The following REDIC1 variants were observed in gnomAD, a reference collection of about 807,000 sequenced individuals.
The protein encoded by REDIC1 is HEI10 Interacting Protein 1.
At chr12:39,703,717 G>T in the REDIC1 span, among the ~76,000 whole-genome samples, 24 of 152,130 alleles carry the variant, frequency 1.6e-4, no homozygotes, top group Non-Finnish European at 3.2e-4. Context: ...GCATGGTACT[G>T]GTACCAAAAG....
At chr12:39,790,354 A>G in the REDIC1 span, among the ~76,000 whole-genome samples, 10 of 142,696 alleles carry the variant, frequency 7.0e-5, no homozygotes, top group African/African-American at 2.1e-4. Flanking sequence ...ATATCTCCCA[A>G]TGCTATCCCT....
chr12:39,656,547 G>A, the REDIC1 span, among the ~76,000 whole-genome samples: 5 of 152,064 alleles, frequency 3.3e-5, no homozygotes, highest in African/African-American at 1.2e-4. Flanking sequence ...ACTATTTATT[G>A]TTATTTTAGA....
the REDIC1 span, chr12:39,871,859 A>G: frequency 4.3e-6 from 7 of 1,612,734 alleles, no homozygotes; most frequent in East Asian, 2.2e-5. Flanking sequence ...AGACTCCCAC[A>G]AGTGTGAAAA....
At chr12:39,901,250 C>T in the REDIC1 span, among the ~76,000 whole-genome samples, 1 of 152,140 alleles carries the variant, frequency 6.6e-6, no homozygotes, top group African/African-American at 2.4e-5. Context: ...AGAAGAAAAC[C>T]TAGGCAATAC....
the REDIC1 span, among the ~76,000 whole-genome samples, chr12:39,767,963 T>A: frequency 6.6e-6 from 1 of 152,124 alleles, no homozygotes; most frequent in Non-Finnish European, 1.5e-5. Flanking sequence ...ATCTCTTTCC[T>A]TTATAAACTA....
chr12:39,815,069 A>G, the REDIC1 span, among the ~76,000 whole-genome samples: 1 of 151,736 alleles, frequency 6.6e-6, no homozygotes, highest in Non-Finnish European at 1.5e-5. Flanking sequence ...TCAGCAAACT[A>G]AGGATTAGAG....
At chr12:39,705,630 A>T in the REDIC1 span, among the ~76,000 whole-genome samples, 1 of 152,132 alleles carries the variant, frequency 6.6e-6, no homozygotes, top group African/African-American at 2.4e-5. Context: ...AGTGGGATTT[A>T]TCCCTGGGAT....
At chr12:39,841,742 A>AAAAC in the REDIC1 span, among the ~76,000 whole-genome samples, 4 of 152,092 alleles carry the variant, frequency 2.6e-5, no homozygotes, top group Admixed American at 6.6e-5. Flanking sequence ...TTCAGAGAAA[A>AAAAC]AAACAGTAAC....
At chr12:39,662,527 T>C in the REDIC1 span, among the ~76,000 whole-genome samples, 1 of 152,070 alleles carries the variant, frequency 6.6e-6, no homozygotes, top group African/African-American at 2.4e-5. Flanking sequence ...GAGCTTTTTT[T>C]TTTGGTGGAG....
the REDIC1 span, among the ~76,000 whole-genome samples, chr12:39,667,432 C>T: frequency 6.6e-6 from 1 of 152,100 alleles, no homozygotes. Flanking sequence ...GTCTGAGAGA[C>T]AGTTTGTTAT....
chr12:39,715,558 C>A, the REDIC1 span, among the ~76,000 whole-genome samples: 2 of 151,848 alleles, frequency 1.3e-5, no homozygotes, highest in African/African-American at 4.8e-5. Flanking sequence ...TCATTCTTCA[C>A]AGAACTAGAA....
At chr12:39,706,822 A>T in the REDIC1 span, among the ~76,000 whole-genome samples, 1 of 151,952 alleles carries the variant, frequency 6.6e-6, no homozygotes. Flanking sequence ...ATGAAACTAG[A>T]CCCCTGTCTC....
chr12:39,873,575 T>C, the REDIC1 span, among the ~76,000 whole-genome samples: 1 of 152,212 alleles, frequency 6.6e-6, no homozygotes, highest in Non-Finnish European at 1.5e-5. Context: ...AGTTTCAGAA[T>C]CTTCACAATA....
At chr12:39,712,362 AT>A in the REDIC1 span, among the ~76,000 whole-genome samples, 1 of 138,496 alleles carries the variant, frequency 7.2e-6, no homozygotes, top group Non-Finnish European at 1.6e-5. Flanking sequence ...ACATACATAC[AT>A]ACATATGTAT....
the REDIC1 span, among the ~76,000 whole-genome samples, chr12:39,695,156 T>C: frequency 6.6e-6 from 1 of 152,130 alleles, no homozygotes; most frequent in African/African-American, 2.4e-5. Flanking sequence ...TGGCATCAGG[T>C]GGGCCTGAGT....
chr12:39,668,020 A>G, the REDIC1 span, among the ~76,000 whole-genome samples: 5 of 152,048 alleles, frequency 3.3e-5, no homozygotes, highest in South Asian at 2.1e-4. Context: ...CTCTTTATCC[A>G]ATTTTCCACT....
chr12:39,855,691 CT>C, the REDIC1 span, among the ~76,000 whole-genome samples: 2 of 152,116 alleles, frequency 1.3e-5, no homozygotes, highest in Non-Finnish European at 2.9e-5. Context: ...TTCTAAAGTA[CT>C]ATATTCTTCG....
the REDIC1 span, among the ~76,000 whole-genome samples, chr12:39,823,056 G>A: frequency 6.6e-6 from 1 of 152,150 alleles, no homozygotes; most frequent in African/African-American, 2.4e-5. Context: ...ACAGCCTAGA[G>A]GCATGTGATC....
the REDIC1 span, among the ~76,000 whole-genome samples, chr12:39,834,943 A>T: frequency 2.2e-4 from 34 of 152,096 alleles, 1 homozygote; most frequent in Admixed American, 1.6e-3. Flanking sequence ...TAACAATGGC[A>T]TTTTTAAAAA....
Sources: allele counts gnomAD v4.1 joint callset (sites outside exome capture counted in the v4.1 genomes callset), GRCh38; gene constraint gnomAD v4.1.1; transcripts MANE v1.5; gene names NCBI Gene and HGNC (gene_info 2026-07-23, HGNC 2026-07-21).